MYRIP: variants seen among roughly 807,000 people sequenced by gnomAD.
MYRIP encodes myosin VIIA and Rab interacting protein.
A neutral mutation model predicts 98.0 loss-of-function variants in MYRIP; 49 were observed. The ratio of observed to expected loss-of-function variants is 0.50; its 90% confidence interval spans 0.40 to 0.63. The LOEUF (loss-of-function observed/expected upper bound fraction) is 0.63. MYRIP is among the 30% of genes least tolerant of loss of function. The pLI, the probability that MYRIP is intolerant of heterozygous loss-of-function variation, is 0.00. For synonymous variants in MYRIP, 404 were observed against 409.5 expected, an observed-to-expected ratio of 0.99 and a Z score of 0.16; for missense variants, 1,004 against 1,058.2, an observed-to-expected ratio of 0.95 and a Z score of 0.71.
intron 2 of MYRIP, among the ~76,000 whole-genome samples, chr3:40,012,672 GAGGA>G (rs1409825825): frequency 6.6e-6 from 1 of 152,222 alleles, no homozygotes; most frequent in African/African-American, 2.4e-5. Flanking sequence ...GCAAGAGGTA[GAGGA>G]AGGAAGAATT....
intron 3 of MYRIP, among the ~76,000 whole-genome samples, chr3:40,118,399 A>C (rs954742575): frequency 7.2e-5 from 11 of 152,270 alleles, no homozygotes; most frequent in Admixed American, 2.6e-4. Context: ...AGGTGTAAAG[A>C]TCATTCCCTG....
At chr3:39,895,070 T>G (rs1164235165) in intron 1 of MYRIP, among the ~76,000 whole-genome samples, 2 of 152,236 alleles carry the variant, frequency 1.3e-5, no homozygotes, top group Non-Finnish European at 2.9e-5. Flanking sequence ...CTTTTTCTCT[T>G]TAACTTTGTC....
rs1053094740 is a variant in MYRIP at position 40,090,378 on chromosome 3, T to C, written c.332+46107T>C. Among the ~76,000 whole-genome samples, 7 of 151,992 alleles carry C rather than the reference T, an allele frequency of 4.6e-5. No individual in the cohort carries two copies. In the South Asian group the frequency reaches 6.2e-4, roughly 14 times the overall value. On this transcript the variant is annotated intron_variant, in intron 3 of 16. Coordinates refer to ENST00000302541, the MANE Select transcript of MYRIP (RefSeq NM_015460.4). ...AGAGCATTAGGACTCCCTAAGACAGTTGGGGAAAAGAGGAAAGGAAGGGGC... is the reference window on the plus strand; with the variant it reads ...AGAGCATTAGGACTCCCTAAGACAGCTGGGGAAAAGAGGAAAGGAAGGGGC...
intron 1 of MYRIP, among the ~76,000 whole-genome samples, chr3:39,854,404 A>G (rs1942223761): frequency 6.6e-6 from 1 of 151,918 alleles, no homozygotes; most frequent in East Asian, 1.9e-4. Context: ...TTCAGGCTCT[A>G]AAGTTCTCTT....
In MYRIP at chr3:40,151,178, A is replaced by C. The variant is rs746734351; in HGVS notation, c.463A>C (p.Ile155Leu). 1.9e-6 allele frequency: 3 copies of C among 1,600,690 alleles called. No homozygotes were observed. Among genetic ancestry groups the C allele is most frequent in the South Asian group, 1.1e-5 (1 of 89,344 alleles). Residue 155 changes from isoleucine to leucine, a missense_variant, in exon 4 of 17, where the codon ATT becomes CTT. This residue lies in a region of MYRIP where 880 missense variants were observed against 907.7 expected (regional missense o/e 0.97). Coordinates refer to ENST00000302541, the MANE Select transcript of MYRIP (RefSeq NM_015460.4). ...HRLESGACFD[I>L]LGGSLFESNL... ...GCTGGAGAGTGGCGCGTGCTTCGAC[A>C]TTCTAGGTACTCTCACTTCCTGCCG...
At chr3:39,941,501 G>A (rs909127651) in intron 2 of MYRIP, among the ~76,000 whole-genome samples, 8 of 146,724 alleles carry the variant, frequency 5.5e-5, no homozygotes, top group African/African-American at 1.8e-4. Flanking sequence ...GTGTGTGTGT[G>A]TGTGTGTGTA....
chr3:40,076,931 T>G (rs1012777595), intron 3 of MYRIP, among the ~76,000 whole-genome samples: 1 of 152,146 alleles, frequency 6.6e-6, no homozygotes, highest in Admixed American at 6.5e-5. Context: ...AAAGGAAACA[T>G]AGTTAACCCT....
At chr3:39,937,027 G>T (rs1400216411) in intron 2 of MYRIP, among the ~76,000 whole-genome samples, 1 of 152,098 alleles carries the variant, frequency 6.6e-6, no homozygotes, top group East Asian at 1.9e-4. Context: ...ACCCAGCTTG[G>T]CAGTGACAGA....
chr3:39,911,343 A>G (rs887233711), intron 2 of MYRIP, among the ~76,000 whole-genome samples: 29 of 152,210 alleles, frequency 1.9e-4, no homozygotes, highest in Non-Finnish European at 4.4e-5. Flanking sequence ...TGGTCCTTCA[A>G]AGATGTACAG....
chr3:40,013,366 G>A (rs948880460), intron 2 of MYRIP, among the ~76,000 whole-genome samples: 1 of 152,230 alleles, frequency 6.6e-6, no homozygotes, highest in Non-Finnish European at 1.5e-5. Context: ...TCCCGTGGAA[G>A]GAAAGAGATC....
At chr3:39,814,483 G>C (rs1160266208) in intron 1 of MYRIP, among the ~76,000 whole-genome samples, 8 of 152,056 alleles carry the variant, frequency 5.3e-5, no homozygotes, top group Non-Finnish European at 1.2e-4. Flanking sequence ...TTGTATACCT[G>C]TGTTGTTGAG....
At chr3:40,096,052 C>G (rs1303469012) in intron 3 of MYRIP, among the ~76,000 whole-genome samples, 1 of 151,476 alleles carries the variant, frequency 6.6e-6, no homozygotes, top group Non-Finnish European at 1.5e-5. Context: ...CTCCCCCAGA[C>G]TCCAGCACCC....
chr3:39,811,346 A>G (rs1438069848), intron 1 of MYRIP, among the ~76,000 whole-genome samples: 3 of 152,194 alleles, frequency 2.0e-5, no homozygotes, highest in African/African-American at 7.2e-5. Context: ...GGATATGATA[A>G]ATGTGAAAAT....
chr3:40,077,291 A>C (rs1054685206), intron 3 of MYRIP, among the ~76,000 whole-genome samples: 1 of 152,108 alleles, frequency 6.6e-6, no homozygotes, highest in African/African-American at 2.4e-5. Flanking sequence ...GCCAGTTGCC[A>C]CTGCTGGCTC....
intron 2 of MYRIP, among the ~76,000 whole-genome samples, chr3:39,982,698 T>G (rs754135134): frequency 2.6e-5 from 4 of 152,148 alleles, no homozygotes; most frequent in Non-Finnish European, 5.9e-5. Flanking sequence ...GGGGAAGAAA[T>G]GCCTTTTAAA....
At chr3:39,919,238 G>A (rs971673438) in intron 2 of MYRIP, among the ~76,000 whole-genome samples, 5 of 152,142 alleles carry the variant, frequency 3.3e-5, no homozygotes, top group Non-Finnish European at 7.3e-5. Flanking sequence ...TTCCAGCTAC[G>A]CCCTACCTGC....
chr3:39,931,154 G>C (rs1450268641), intron 2 of MYRIP, among the ~76,000 whole-genome samples: 1 of 152,008 alleles, frequency 6.6e-6, no homozygotes, highest in Non-Finnish European at 1.5e-5. Context: ...TGAATAATAA[G>C]TGATTTAATC....
chr3:40,036,938 A>G (rs1297939749), intron 2 of MYRIP, among the ~76,000 whole-genome samples: 1 of 152,184 alleles, frequency 6.6e-6, no homozygotes, highest in Non-Finnish European at 1.5e-5. Context: ...CCAAATATGC[A>G]TGTTAATATA....
intron 10 of MYRIP, among the ~76,000 whole-genome samples, chr3:40,197,114 C>T (rs900520643): frequency 2.0e-5 from 3 of 152,090 alleles, no homozygotes; most frequent in Non-Finnish European, 2.9e-5. Context: ...TGCGGCAGGT[C>T]GTGGGAGGTG....
Sources: gnomAD v4.1 joint callset for allele counts (sites outside exome capture counted in the v4.1 genomes callset) on GRCh38, gnomAD v4.1.1 for gene constraint, gnomAD v4.1.1 regional missense constraint, MANE v1.5 for transcripts, NCBI Gene and HGNC (gene_info 2026-07-23, HGNC 2026-07-21) for gene names.